Variants in SLC26A3 observed in about 807,000 individuals in gnomAD.
SLC26A3 encodes solute carrier family 26 member 3, also known as chloride anion exchanger.
SLC26A3 carries 64 observed loss-of-function variants against 85.6 expected under a neutral mutation model. The observed-to-expected ratio is 0.75, with a 90% CI of 0.61 to 0.92. The LOEUF (loss-of-function observed/expected upper bound fraction) is 0.92, where lower values mean the gene tolerates loss of function less well. SLC26A3 is among the 40% of genes least tolerant of loss of function. The pLI is 0.00. For missense variants in SLC26A3, 922 were observed against 927.3 expected, an observed-to-expected ratio of 0.99 and a Z score of 0.07; for synonymous variants, 349 against 336.0, an observed-to-expected ratio of 1.04 and a Z score of -0.42.
At position 107,787,217 on chromosome 7, in the gene SLC26A3, A is replaced by T. The variant is rs1333790300; in HGVS notation, c.888+140T>A. 5 of 874,794 alleles carry T rather than the reference A, an allele frequency of 5.7e-6. No individual in the cohort carries two copies. In the East Asian group the frequency reaches 7.3e-5, roughly 13 times the overall value. 54.2% of individuals were successfully genotyped at this position (874,794 alleles called of 1,614,324 possible). ...AAGTTATTAAATTCTGAATGAAAAT[A>T]AAACCATGCTAAACATTATGCCCGA... On this transcript the variant is annotated intron_variant, in intron 7 of 20. Transcript: ENST00000340010.
intron 20 of SLC26A3, 48 bp downstream of exon 20, chr7:107,767,531 T>A: frequency 7.0e-7 from 1 of 1,432,948 alleles, no homozygotes. Context: ...TGAAGGTTTT[T>A]TTTTGCTGTG....
chr7:107,779,688 G>T lies in SLC26A3; in HGVS notation c.1387C>A (p.Arg463=), dbSNP rs386833453. 3.7e-6 allele frequency: 6 copies of T among 1,613,102 alleles called. No homozygotes were observed. The highest frequency in any genetic ancestry group is 1.7e-5 in the Admixed American group (1 of 59,978). The change falls in exon 12 of 21, where the codon CGA becomes AGA. Residue 463 remains arginine, a synonymous_variant. Transcript: ENST00000340010. ...CTTACACAATCATATTTGTCCTTTC[G>T]CCACAATCTGCCTATTTCAGCAAAC... ...MQFAEIGRLW[R]KDKYDCLIWI...
At chr7:107,789,366 C>T (rs1322435839) in intron 6 of SLC26A3, among the ~76,000 whole-genome samples, 158 bp downstream of exon 6, 4 of 151,366 alleles carry the variant, frequency 2.6e-5, no homozygotes, top group East Asian at 3.9e-4. Context: ...GTGATCCGCC[C>T]GCCTCGGCCT....
chr7:107,772,785 T>C (rs1584401848), intron 17 of SLC26A3, among the ~76,000 whole-genome samples: 1 of 151,810 alleles, frequency 6.6e-6, no homozygotes, highest in African/African-American at 2.4e-5. Flanking sequence ...TGAGTGAAAA[T>C]GCAGAAACAA....
rs1410252727 is a variant in SLC26A3 at position 107,793,839 on chromosome 7, G to C, written c.174C>G (p.Phe58Leu). ...QKAKRIVLSLFPIASWLPAYR... is the reference protein window; with the variant it reads ...QKAKRIVLSLLPIASWLPAYR... ...ATGCTGGCAACCAAGATGCTATGGG[G>C]AACAAAGAGAGGACAATTCTCTTGG... Residue 58 changes from phenylalanine (F) to leucine (L), a missense_variant, in exon 3 of 21, where the codon TTC becomes TTG. Physicochemically the swap from Phe to Leu is conservative, Grantham distance 22. Transcript: ENST00000340010. The C allele has an allele frequency of 6.2e-7, 1 of 1,613,928 alleles. No homozygotes were observed. The highest frequency in any genetic ancestry group is 8.5e-7 in the Non-Finnish European group (1 of 1,179,956).
chr7:107,765,587 G>C lies in SLC26A3; in HGVS notation c.*268C>G. 2.4e-6 allele frequency: 1 copy of C among 416,566 alleles called. No homozygotes were observed. The highest frequency in any genetic ancestry group is 4.3e-6 in the Non-Finnish European group (1 of 230,990). 25.8% of individuals were successfully genotyped at this position (416,566 alleles called of 1,614,324 possible). ...ATGCATGAAGGTAGTGACTAGGATGGAAATCTGTCAGTGCTACAAAAATAT... is the reference window on the plus strand; with the variant it reads ...ATGCATGAAGGTAGTGACTAGGATGCAAATCTGTCAGTGCTACAAAAATAT... On this transcript the variant is annotated 3_prime_UTR_variant, in exon 21 of 21. Transcript: ENST00000340010.
At chr7:107,792,717 C>T (rs893660000) in intron 3 of SLC26A3, among the ~76,000 whole-genome samples, 16 of 152,160 alleles carry the variant, frequency 1.1e-4, no homozygotes, top group Non-Finnish European at 2.2e-4. Context: ...CTGGCATAAG[C>T]ACCCAATGAA....
chr7:107,772,085 G>T lies in SLC26A3; in HGVS notation c.2031C>A (p.Ile677=). 6.2e-7 allele frequency: 1 copy of T among 1,611,762 alleles called. No homozygotes were observed. Among genetic ancestry groups the T allele is most frequent in the Non-Finnish European group, 8.5e-7 (1 of 1,177,994 alleles). ...LKSILQEFIR[I]KVDVYIVGTD... ...TTCCAACGATATACACATCTACCTT[G>T]ATCCTGATAAATTCTTGCAAAATCT... The change falls in exon 18 of 21, where the codon ATC becomes ATA. Residue 677 remains isoleucine, a synonymous_variant. Transcript: ENST00000340010.
chr7:107,775,612 G>C (rs1414055981), intron 15 of SLC26A3, among the ~76,000 whole-genome samples: 1 of 151,508 alleles, frequency 6.6e-6, no homozygotes, highest in Non-Finnish European at 1.5e-5. Context: ...CATGCCTGGA[G>C]TCTCATCTAC....
chr7:107,786,972 GA>G, intron 7 of SLC26A3, 63 bp from the exon 8 acceptor site: 1 of 1,427,832 alleles, frequency 7.0e-7, no homozygotes. Context: ...TTGCTTTGAA[GA>G]AAAATAAATT....
chr7:107,783,423 C>G (rs1794243150), intron 8 of SLC26A3, 71 bp from the exon 9 acceptor site: 2 of 1,549,932 alleles, frequency 1.3e-6, no homozygotes, highest in South Asian at 2.2e-5. Context: ...TTGGGCAAAT[C>G]AATGAATGAA....
intron 11 of SLC26A3, among the ~76,000 whole-genome samples, chr7:107,781,411 A>G (rs77791783): frequency 0.13 from 20,384 of 152,148 alleles, 1,689 homozygotes; most frequent in Non-Finnish European, 0.18. Context: ...AGGACCCTTT[A>G]TAAAAGGGGC....
At position 107,787,313 on chromosome 7, in the gene SLC26A3, A is replaced by G. The variant is rs369467176; in HGVS notation, c.888+44T>C. 13 of 1,605,008 alleles carry G rather than the reference A, an allele frequency of 8.1e-6. No individual in the cohort carries two copies. In the African/African-American group the frequency reaches 1.6e-4, roughly 20 times the overall value. On this transcript the variant is annotated intron_variant, in intron 7 of 20. Coordinates refer to ENST00000340010, the MANE Select transcript of SLC26A3 (RefSeq NM_000111.3). ...AAATGGTGAAGGACTTACAACATATAAACAGTAGAGTAGCTATGACAGAGT... is the reference window on the plus strand; with the variant it reads ...AAATGGTGAAGGACTTACAACATATGAACAGTAGAGTAGCTATGACAGAGT...
intron 20 of SLC26A3, among the ~76,000 whole-genome samples, chr7:107,767,069 A>G (rs2115780512): frequency 6.6e-6 from 1 of 152,296 alleles, no homozygotes; most frequent in East Asian, 1.9e-4. Context: ...GAACATCTAC[A>G]ATGAAATGGG....
Position 107,789,670 on chromosome 7 carries a change from G to T in SLC26A3, c.589C>A (p.Arg197=). The change falls in exon 6 of 21, where the codon CGG becomes AGG. Residue 197 remains arginine (R), a synonymous_variant. Coordinates refer to ENST00000340010, the MANE Select transcript of SLC26A3 (RefSeq NM_000111.3). ...AGGTATATCACTACAAATCCAATCC[G>T]CAGAATCCCAAAAGCCAACTGGAAA... is the stretch of plus-strand genomic sequence containing the variant. The part of the protein sequence containing the change: ...GIIQLAFGIL[R]IGFVVIYLSE... The T allele has an allele frequency of 6.2e-6, 10 of 1,613,412 alleles. No homozygotes were observed. Among genetic ancestry groups the T allele is most frequent in the African/African-American group, 1.3e-5 (1 of 75,010 alleles).
In SLC26A3 at chr7:107,774,041, A is replaced by T; in HGVS notation, c.1886T>A (p.Ile629Asn). 1.2e-6 allele frequency: 2 copies of T among 1,614,162 alleles called. No individual in the cohort carries two copies. Residue 629 changes from isoleucine (I) to asparagine (N), a missense_variant, in exon 17 of 21, where the codon ATT (isoleucine) becomes AAT (asparagine). Transcript: ENST00000340010. Reference sequence around the variant, plus strand: ...GAGAGGAAGATCATCATTCCAGTCAATGTGGAAAGGCAGGTCTGTGGTATT... The same window carrying T: ...GAGAGGAAGATCATCATTCCAGTCATTGTGGAAAGGCAGGTCTGTGGTATT... ...PINTTDLPFH[I>N]DWNDDLPLNI...
At chr7:107,766,004 A>C (rs1451010579) in intron 20 of SLC26A3, 126 bp from the exon 21 acceptor site, 2 of 755,158 alleles carry the variant, frequency 2.6e-6, no homozygotes, top group Admixed American at 4.2e-5. Context: ...TTAATGATCA[A>C]GTACCTTCCA....
intron 4 of SLC26A3, 36 bp from the exon 5 acceptor site, chr7:107,791,271 C>A: frequency 6.3e-7 from 1 of 1,587,242 alleles, no homozygotes; most frequent in Non-Finnish European, 8.7e-7. Flanking sequence ...TCAGTATATG[C>A]CTCTCTAAAG....
intron 2 of SLC26A3, 101 bp from the exon 3 acceptor site, chr7:107,793,982 A>T: frequency 6.9e-7 from 1 of 1,453,488 alleles, no homozygotes; most frequent in East Asian, 2.3e-5. Flanking sequence ...GCTAAAGATT[A>T]AACTAGTAAT....
Sources: allele counts gnomAD v4.1 joint callset (sites outside exome capture counted in the v4.1 genomes callset), GRCh38; gene constraint gnomAD v4.1.1; transcripts MANE v1.5; gene names NCBI Gene and HGNC (gene_info 2026-07-23, HGNC 2026-07-21).